DCAF8: variants seen among roughly 807,000 people sequenced by gnomAD.
The protein encoded by DCAF8 is DDB1- and CUL4-associated factor 8.
A neutral mutation model predicts 68.0 loss-of-function variants in DCAF8; 20 were observed. The observed-to-expected ratio is 0.29, with a 90% CI of 0.21 to 0.43. The LOEUF (loss-of-function observed/expected upper bound fraction) is 0.43, where lower values mean the gene tolerates loss of function less well. DCAF8 is among the 20% of genes least tolerant of loss of function. DCAF8 has a pLI of 1.00. For missense variants in DCAF8, 460 were observed against 771.0 expected, an observed-to-expected ratio of 0.60 and a Z score of 4.78; for synonymous variants, 230 against 276.9, an observed-to-expected ratio of 0.83 and a Z score of 1.68.
intron 11 of DCAF8, chr1:160,221,002 A>T (rs141970245): frequency 6.6e-6 from 1 of 152,174 alleles, no homozygotes; most frequent in African/African-American, 2.4e-5. Context: ...GGTAGCCTCT[A>T]TATCTCTTAT....
chr1:160,216,516 C>T lies in DCAF8; in HGVS notation c.*1076G>A, dbSNP rs762862285. ...TTTCCTGTTTTTCCCAACCCCTACA[C>T]CAAAGCAGGGAACCAGGAAGGGCAG... On this transcript the variant is annotated 3_prime_UTR_variant, in exon 14 of 14. Coordinates refer to ENST00000368074, the MANE Select transcript of DCAF8 (RefSeq NM_015726.4). 4 of 152,522 alleles carry T rather than the reference C, an allele frequency of 2.6e-5. No individual in the cohort carries two copies. Among genetic ancestry groups the T allele is most frequent in the Non-Finnish European group, 1.5e-5 (1 of 68,034 alleles). 9.4% of individuals were successfully genotyped at this position (152,522 alleles called of 1,614,324 possible).
chr1:160,252,284 T>A (rs1383975121), intron 2 of DCAF8, among the ~76,000 whole-genome samples: 1 of 152,226 alleles, frequency 6.6e-6, no homozygotes, highest in Non-Finnish European at 1.5e-5. Context: ...TATCATTTTT[T>A]AAAAAGATAA....
chr1:160,242,634 G>A (rs1360812344), intron 3 of DCAF8, among the ~76,000 whole-genome samples: 2 of 152,080 alleles, frequency 1.3e-5, no homozygotes, highest in Non-Finnish European at 2.9e-5. Context: ...TAGAGTAGGG[G>A]TTTGCAAATT....
chr1:160,237,927 T>C (rs1394814195), intron 5 of DCAF8, among the ~76,000 whole-genome samples: 1 of 152,228 alleles, frequency 6.6e-6, no homozygotes, highest in African/African-American at 2.4e-5. Flanking sequence ...CTTAGTTCCT[T>C]ACAACTGAAA....
chr1:160,236,361 T>C (rs983875715), intron 6 of DCAF8, among the ~76,000 whole-genome samples: 1 of 152,014 alleles, frequency 6.6e-6, no homozygotes, highest in Non-Finnish European at 1.5e-5. Context: ...TACATATGTG[T>C]GTATATAAAC....
intron 7 of DCAF8, among the ~76,000 whole-genome samples, chr1:160,228,610 CTTT>C (rs59684865): frequency 7.1e-6 from 1 of 141,038 alleles, no homozygotes. Context: ...CTCTACTTAC[CTTT>C]TTTTTTTTTT....
At chr1:160,260,083 T>G (rs1229600361) in intron 2 of DCAF8, among the ~76,000 whole-genome samples, 5 of 145,720 alleles carry the variant, frequency 3.4e-5, no homozygotes, top group Non-Finnish European at 5.9e-5. Context: ...ATCAATGATG[T>G]GCAAAAAAAA....
At chr1:160,229,639 A>C (rs1053313869) in intron 7 of DCAF8, among the ~76,000 whole-genome samples, 14 of 152,184 alleles carry the variant, frequency 9.2e-5, no homozygotes, top group African/African-American at 2.9e-4. Context: ...TCAACTCAAA[A>C]TTTCAGTGAA....
chr1:160,236,977 G>A (rs1655919332), intron 6 of DCAF8, among the ~76,000 whole-genome samples, 158 bp downstream of exon 6: 1 of 152,188 alleles, frequency 6.6e-6, no homozygotes, highest in East Asian at 1.9e-4. Context: ...TACTGAGAAA[G>A]AGAGGAAGTA....
chr1:160,255,306 C>A (rs756822549), intron 2 of DCAF8, among the ~76,000 whole-genome samples: 1 of 152,134 alleles, frequency 6.6e-6, no homozygotes, highest in Non-Finnish European at 1.5e-5. Flanking sequence ...GATTTTTTTA[C>A]TATTATTATC....
In DCAF8 at chr1:160,241,025, G is replaced by A. The variant is rs578104706; in HGVS notation, c.50-655C>T. 2.6e-5 allele frequency among the ~76,000 whole-genome samples: 4 copies of A among 152,176 alleles called. No homozygotes were observed. In the East Asian group the frequency reaches 5.8e-4, roughly 22 times the overall value. ...TAAAAATACAAAAAATTAGCCGGGC[G>A]CCTGTAGTCCCAGCTACTCAGGAGG... On this transcript the variant is annotated intron_variant, in intron 3 of 13. Coordinates refer to ENST00000368074, the MANE Select transcript of DCAF8 (RefSeq NM_015726.4).
Position 160,256,012 on chromosome 1 carries a change from C to CTTTT in DCAF8, c.-27+5269_-27+5272dup, listed in dbSNP as rs11284812. On this transcript the variant is annotated intron_variant, in intron 2 of 13. Coordinates refer to ENST00000368074, the MANE Select transcript of DCAF8 (RefSeq NM_015726.4). The stretch of plus-strand genomic sequence containing the variant: ...ATTTCCAGCAGCAGAACTAAGCAAA[C>CTTTT]TTTTTTTTTTTTTTTTTTTTTTTTT... 2.4e-4 allele frequency among the ~76,000 whole-genome samples: 18 copies of CTTTT among 75,486 alleles called. 1 individual carries two copies. Among genetic ancestry groups the CTTTT allele is most frequent in the African/African-American group, 7.2e-4 (14 of 19,556 alleles). 49.5% of individuals were successfully genotyped at this position (75,486 alleles called of 152,430 possible).
At chr1:160,262,220 G>A (rs1370053998) in intron 1 of DCAF8, 9 of 397,868 alleles carry the variant, frequency 2.3e-5, no homozygotes, top group African/African-American at 4.1e-5. Flanking sequence ...CATCCTTAGG[G>A]GAAACCGGCT....
At chr1:160,231,918 T>TC (rs777550489) in intron 6 of DCAF8, among the ~76,000 whole-genome samples, 2 of 152,166 alleles carry the variant, frequency 1.3e-5, no homozygotes, top group Non-Finnish European at 1.5e-5. Context: ...TGGCCAGGTA[T>TC]GGTGGCTCAT....
chr1:160,238,444 G>A (rs1264628588), intron 5 of DCAF8, among the ~76,000 whole-genome samples, 163 bp downstream of exon 5: 4 of 152,182 alleles, frequency 2.6e-5, no homozygotes, highest in African/African-American at 7.2e-5. Flanking sequence ...GGAGTTTAGG[G>A]TGGCTGCTTT....
chr1:160,240,423 T>C lies in DCAF8; in HGVS notation c.50-53A>G, dbSNP rs1416460644. The stretch of plus-strand genomic sequence containing the variant: ...GAGAGGGAAAAATAAGAAAACAGGA[T>C]AGTGACCACCTTAGTCTAAGAAATC... On this transcript the variant is annotated intron_variant, in intron 3 of 13. Transcript: ENST00000368074. 4.7e-6 allele frequency: 7 copies of C among 1,498,962 alleles called. No individual in the cohort carries two copies. In the African/African-American group the frequency reaches 7.0e-5, roughly 15 times the overall value. 92.9% of individuals were successfully genotyped at this position (1,498,962 alleles called of 1,614,324 possible). A position where few individuals can be genotyped will look rare whatever the true frequency, so the allele number is the denominator to read the frequency against.
intron 2 of DCAF8, among the ~76,000 whole-genome samples, chr1:160,258,457 C>T (rs961483784): frequency 2.0e-5 from 3 of 151,980 alleles, no homozygotes; most frequent in Admixed American, 6.6e-5. Context: ...TAAGATGTCA[C>T]AATTCTTAAG....
intron 2 of DCAF8, among the ~76,000 whole-genome samples, chr1:160,249,466 C>G (rs1656491220): frequency 6.6e-6 from 1 of 152,108 alleles, no homozygotes; most frequent in Non-Finnish European, 1.5e-5. Flanking sequence ...TAAATATACA[C>G]TTATCATACA....
intron 2 of DCAF8, among the ~76,000 whole-genome samples, chr1:160,246,025 C>CTA (rs1302838448): frequency 6.6e-6 from 1 of 152,072 alleles, no homozygotes; most frequent in Non-Finnish European, 1.5e-5. Flanking sequence ...GTAATCCCAG[C>CTA]TACTAGGGAG....
Sources: gnomAD v4.1 joint callset for allele counts (sites outside exome capture counted in the v4.1 genomes callset) on GRCh38, gnomAD v4.1.1 for gene constraint, MANE v1.5 for transcripts, NCBI Gene and HGNC (gene_info 2026-07-23, HGNC 2026-07-21) for gene names.